The following CAMKMT variants were observed in gnomAD, a reference collection of about 807,000 sequenced individuals.
CAMKMT encodes the protein CaM KMT.
Under a neutral mutation model 48.0 loss-of-function variants are expected in CAMKMT, and 53 were observed. The observed-to-expected ratio is 1.10, with a 90% confidence interval of 0.89 to 1.39. The LOEUF (loss-of-function observed/expected upper bound fraction) is 1.39, where lower values mean the gene tolerates loss of function less well. Among genes scored for constraint, CAMKMT ranks in the 40% most tolerant of loss-of-function variants. The pLI is 0.00. For missense variants in CAMKMT, 428 were observed against 402.7 expected (o/e 1.06, Z -0.54); for synonymous variants, 165 against 152.3 (o/e 1.08, Z -0.61).
chr2:44,593,308 C>G (rs1356582132), intron 3 of CAMKMT, among the ~76,000 whole-genome samples: 3 of 152,148 alleles, frequency 2.0e-5, no homozygotes, highest in Non-Finnish European at 4.4e-5. Flanking sequence ...TCTGATAGGT[C>G]TTTCCCTGGC....
At chr2:44,518,688 G>T (rs930937172) in intron 3 of CAMKMT, among the ~76,000 whole-genome samples, 1 of 152,140 alleles carries the variant, frequency 6.6e-6, no homozygotes, top group Non-Finnish European at 1.5e-5. Flanking sequence ...GGTCATGAAG[G>T]TAAATGATAT....
At chr2:44,420,082 A>G (rs1683831383) in intron 3 of CAMKMT, among the ~76,000 whole-genome samples, 1 of 152,186 alleles carries the variant, frequency 6.6e-6, no homozygotes, top group Non-Finnish European at 1.5e-5. Flanking sequence ...CAATTATTTT[A>G]GATAATTATA....
intron 3 of CAMKMT, among the ~76,000 whole-genome samples, chr2:44,534,261 A>G (rs1313422748): frequency 2.6e-5 from 4 of 152,162 alleles, no homozygotes; most frequent in African/African-American, 7.2e-5. Context: ...TAGACTTCCT[A>G]TACAATAATA....
intron 3 of CAMKMT, among the ~76,000 whole-genome samples, chr2:44,576,069 G>T (rs1669200069): frequency 6.6e-6 from 1 of 152,060 alleles, no homozygotes; most frequent in Non-Finnish European, 1.5e-5. Flanking sequence ...GCTCACGCCT[G>T]CAATCCCAGC....
At position 44,772,222 on chromosome 2, in the gene CAMKMT, A is replaced by G; in HGVS notation, c.*109A>G. On this transcript the variant is annotated 3_prime_UTR_variant, in exon 11 of 11. Coordinates refer to ENST00000378494, the MANE Select transcript of CAMKMT (RefSeq NM_024766.5). ...ATCGCCTGCCTGCGCCCTTTGCAGC[A>G]TTTCACGTGTGGGCTATGGACTCCA... 1 of 858,350 alleles carries G rather than the reference A, an allele frequency of 1.2e-6. No homozygotes were observed. The highest frequency in any genetic ancestry group is 1.9e-6 in the Non-Finnish European group (1 of 535,694). The allele number at this position is 858,350 out of a possible 1,614,324, so 53.2% of individuals were successfully genotyped here.
intron 3 of CAMKMT, among the ~76,000 whole-genome samples, chr2:44,695,352 T>C (rs147413611): frequency 8.5e-5 from 13 of 152,264 alleles, no homozygotes; most frequent in African/African-American, 2.9e-4. Context: ...GTCTTGTACG[T>C]CCTTCTCCTA....
chr2:44,518,309 G>A (rs887201716), intron 3 of CAMKMT, among the ~76,000 whole-genome samples: 8 of 152,108 alleles, frequency 5.3e-5, no homozygotes, highest in Admixed American at 6.5e-5. Context: ...ATAACTATTT[G>A]CATTATTCTT....
chr2:44,516,124 G>T (rs1264574814), intron 3 of CAMKMT, among the ~76,000 whole-genome samples: 1 of 152,092 alleles, frequency 6.6e-6, no homozygotes, highest in Non-Finnish European at 1.5e-5. Flanking sequence ...AAAAAAGAGC[G>T]CCTCATATGA....
intron 2 of CAMKMT, among the ~76,000 whole-genome samples, chr2:44,378,341 A>G (rs1377098484): frequency 1.3e-5 from 2 of 152,360 alleles, no homozygotes; most frequent in South Asian, 2.1e-4. Context: ...AAATCCCAAT[A>G]TAGTACATGT....
chr2:44,721,893 C>A (rs1413132295), intron 7 of CAMKMT, among the ~76,000 whole-genome samples: 1 of 152,118 alleles, frequency 6.6e-6, no homozygotes, highest in Non-Finnish European at 1.5e-5. Flanking sequence ...TACTCATGCC[C>A]CTTCCTCACT....
intron 3 of CAMKMT, among the ~76,000 whole-genome samples, chr2:44,412,830 C>G (rs888744462): frequency 2.0e-5 from 3 of 151,978 alleles, no homozygotes; most frequent in Non-Finnish European, 4.4e-5. Flanking sequence ...AATCCCAGCA[C>G]TTTGGGAGGC....
intron 9 of CAMKMT, among the ~76,000 whole-genome samples, chr2:44,757,191 A>G (rs1296080527): frequency 3.2e-4 from 49 of 152,222 alleles, no homozygotes; most frequent in Admixed American, 3.2e-3. Flanking sequence ...ATGTTTATCC[A>G]GGGGGATGCT....
Position 44,538,935 on chromosome 2 carries a change from T to A in CAMKMT, c.376+148630T>A, listed in dbSNP as rs549003367. 5.5e-4 allele frequency among the ~76,000 whole-genome samples: 80 copies of A among 146,670 alleles called. 1 individual carries two copies. The Middle Eastern group carries it at 0.024, about 44-fold the overall frequency. On this transcript the variant is annotated intron_variant, in intron 3 of 10. Transcript: ENST00000378494. Reference sequence around the variant, plus strand: ...AATTATTTGCATCTACACTTTTCTTTCTCTCTCTTTCTGTGTGTGTGTCTG... The same window carrying A: ...AATTATTTGCATCTACACTTTTCTTACTCTCTCTTTCTGTGTGTGTGTCTG...
chr2:44,639,929 C>T (rs541539754), intron 3 of CAMKMT, among the ~76,000 whole-genome samples: 15 of 152,166 alleles, frequency 9.9e-5, no homozygotes, highest in African/African-American at 3.6e-4. Context: ...TACCCTTGAC[C>T]CCATCTTGGT....
At chr2:44,747,404 C>G (rs1679966457) in intron 8 of CAMKMT, among the ~76,000 whole-genome samples, 1 of 152,130 alleles carries the variant, frequency 6.6e-6, no homozygotes, top group South Asian at 2.1e-4. Context: ...CTGAAAATAT[C>G]TTTCGCCCAA....
chr2:44,647,800 C>T lies in CAMKMT; in HGVS notation c.377-56483C>T, dbSNP rs866891178. ...GTGGGCGCCTGTAGTCCCAGCTACTCAGGAGGCTGAGGCAGGAGAATGGTG... is the reference window on the plus strand; with the variant it reads ...GTGGGCGCCTGTAGTCCCAGCTACTTAGGAGGCTGAGGCAGGAGAATGGTG... On this transcript the variant is annotated intron_variant, in intron 3 of 10. Transcript: ENST00000378494. 1.1e-4 allele frequency among the ~76,000 whole-genome samples: 16 copies of T among 148,854 alleles called. 1 individual carries two copies. The South Asian group carries it at 3.2e-3, about 30-fold the overall frequency.
intron 3 of CAMKMT, among the ~76,000 whole-genome samples, chr2:44,412,479 G>A (rs1008765414): frequency 6.6e-6 from 1 of 152,060 alleles, no homozygotes; most frequent in African/African-American, 2.4e-5. Context: ...GGGATTACAG[G>A]TGCCTGCCAC....
chr2:44,765,529 TTTA>T (rs942709465), intron 9 of CAMKMT, among the ~76,000 whole-genome samples: 44 of 144,940 alleles, frequency 3.0e-4, no homozygotes, highest in African/African-American at 1.1e-3. Flanking sequence ...TATTTTTTTT[TTTA>T]AAAAAAAAAA....
intron 1 of CAMKMT, chr2:44,369,828 C>T (rs187286522): frequency 1.3e-5 from 2 of 152,316 alleles, no homozygotes; most frequent in Admixed American, 1.3e-4. Context: ...AACCAAGTAT[C>T]TTTACAACTA....
Sources: gnomAD v4.1 joint callset for allele counts (sites outside exome capture counted in the v4.1 genomes callset) on GRCh38, gnomAD v4.1.1 for gene constraint, MANE v1.5 for transcripts, NCBI Gene and HGNC (gene_info 2026-07-23, HGNC 2026-07-21) for gene names.